SPATA6L: variants seen among roughly 807,000 people sequenced by gnomAD.
SPATA6L encodes the protein spermatogenesis associated 6-like protein.
SPATA6L carries 68 observed loss-of-function variants against 49.2 expected under a neutral mutation model. That is an observed-to-expected ratio of 1.38 (90% confidence interval 1.14 to 1.69). The LOEUF (loss-of-function observed/expected upper bound fraction) is 1.69. Ranked by LOEUF, SPATA6L falls within the 40% of genes most tolerant of loss-of-function variation. The pLI is 0.00. For synonymous variants in SPATA6L, 198 were observed against 165.7 expected, an observed-to-expected ratio of 1.19 and a Z score of -1.50; for missense variants, 668 against 464.3, an observed-to-expected ratio of 1.44 and a Z score of -4.03.
At chr9:4,648,867 A>T (rs1344569586) in intron 3 of SPATA6L, among the ~76,000 whole-genome samples, 2 of 151,806 alleles carry the variant, frequency 1.3e-5, no homozygotes, top group Non-Finnish European at 2.9e-5. Flanking sequence ...CCATTATGTC[A>T]TTCTTCTGTT....
chr9:4,658,147 GAT>G (rs1838737470), intron 2 of SPATA6L, among the ~76,000 whole-genome samples: 1 of 152,208 alleles, frequency 6.6e-6, no homozygotes, highest in Admixed American at 6.5e-5. Flanking sequence ...ACAGTGAGAT[GAT>G]ATGTTTCTGT....
At chr9:4,651,643 C>A (rs1836885889) in intron 3 of SPATA6L, among the ~76,000 whole-genome samples, 1 of 151,906 alleles carries the variant, frequency 6.6e-6, no homozygotes, top group African/African-American at 2.4e-5. Flanking sequence ...GCTTATATAC[C>A]ATAAGGTTGG....
intron 3 of SPATA6L, among the ~76,000 whole-genome samples, chr9:4,636,925 T>C (rs548719501): frequency 1.3e-5 from 2 of 152,290 alleles, no homozygotes; most frequent in East Asian, 1.9e-4. Flanking sequence ...ATTACTGCCA[T>C]GGCTGTAGTT....
rs917705018 is a variant in SPATA6L at position 4,600,255 on chromosome 9, A to C, written c.*556T>G. On this transcript the variant is annotated 3_prime_UTR_variant, in exon 12 of 12. Transcript: ENST00000682582. Reference sequence around the variant, plus strand: ...TCACAGACATTCAACATCTAAAACAAGATCTGAACTACCCAGACGTAATGC... The same window carrying C: ...TCACAGACATTCAACATCTAAAACACGATCTGAACTACCCAGACGTAATGC... 6.6e-6 allele frequency among the ~76,000 whole-genome samples: 1 copy of C among 152,166 alleles called. No homozygotes were observed. Among genetic ancestry groups the C allele is most frequent in the African/African-American group, 2.4e-5 (1 of 41,420 alleles).
At chr9:4,629,767 G>GTATATA (rs1423783733) in intron 4 of SPATA6L, among the ~76,000 whole-genome samples, 23 of 88,894 alleles carry the variant, frequency 2.6e-4, no homozygotes, top group African/African-American at 1.2e-3. Flanking sequence ...GTGTGTGTGT[G>GTATATA]TGTATATATA....
Position 4,606,202 on chromosome 9 carries a change from G to T in SPATA6L, c.996-762C>A, listed in dbSNP as rs1374049390. On this transcript the variant is annotated intron_variant, in intron 9 of 11. Coordinates refer to ENST00000682582, the MANE Select transcript of SPATA6L (RefSeq NM_001353486.2). ...ACAGCAGTCTGAGATCAAACTGCAAGGCGGCAGCGAGGCTGGGGGAGGGGC... is the reference window on the plus strand; with the variant it reads ...ACAGCAGTCTGAGATCAAACTGCAATGCGGCAGCGAGGCTGGGGGAGGGGC... Among the ~76,000 whole-genome samples, 237 of 150,620 alleles carry T rather than the reference G, an allele frequency of 1.6e-3. 2 individuals are homozygous for T. Among genetic ancestry groups the T allele is most frequent in the Admixed American group, 2.8e-3 (42 of 15,144 alleles).
intron 2 of SPATA6L, among the ~76,000 whole-genome samples, chr9:4,659,155 C>T (rs1027135364): frequency 1.1e-4 from 17 of 152,118 alleles, no homozygotes; most frequent in African/African-American, 3.9e-4. Flanking sequence ...ACTTATCCAG[C>T]CAGTTTGGTA....
chr9:4,591,890 G>C (rs1340141865), intron 13 of SPATA6L, among the ~76,000 whole-genome samples: 4 of 152,154 alleles, frequency 2.6e-5, no homozygotes, highest in Non-Finnish European at 5.9e-5. Flanking sequence ...CTTTCCTAGA[G>C]ATGACACTCT....
intron 3 of SPATA6L, among the ~76,000 whole-genome samples, chr9:4,654,252 A>C (rs1438300791): frequency 3.3e-5 from 5 of 152,212 alleles, no homozygotes; most frequent in African/African-American, 1.2e-4. Context: ...CTTCTTTAAA[A>C]GGTTAAACAT....
chr9:4,663,724 T>G (rs1274798210), intron 1 of SPATA6L: 1 of 168,586 alleles, frequency 5.9e-6, no homozygotes, highest in Non-Finnish European at 1.4e-5. Flanking sequence ...GAGGTAGATT[T>G]TAAACAGTAT....
At chr9:4,590,933 G>A (rs1022275118) in intron 13 of SPATA6L, among the ~76,000 whole-genome samples, 1 of 152,196 alleles carries the variant, frequency 6.6e-6, no homozygotes. Flanking sequence ...TTAGCACAAT[G>A]TCGCATCATC....
At chr9:4,619,302 G>A (rs1174869366) in intron 7 of SPATA6L, among the ~76,000 whole-genome samples, 16 of 151,698 alleles carry the variant, frequency 1.1e-4, no homozygotes. Context: ...GATTACAGAT[G>A]CCCGCCACCA....
At chr9:4,647,389 C>G (rs920200464) in intron 3 of SPATA6L, among the ~76,000 whole-genome samples, 1 of 151,998 alleles carries the variant, frequency 6.6e-6, no homozygotes, top group African/African-American at 2.4e-5. Context: ...GTCAGGAGTT[C>G]GAGACCAGCC....
intron 1 of SPATA6L, among the ~76,000 whole-genome samples, chr9:4,665,471 A>C (rs1019021348): frequency 2.0e-5 from 3 of 152,234 alleles, no homozygotes; most frequent in African/African-American, 7.2e-5. Context: ...GTATGATGAA[A>C]CCACACCATT....
chr9:4,635,123 T>C (rs1038175071), intron 4 of SPATA6L, 152 bp downstream of exon 4: 109 of 656,152 alleles, frequency 1.7e-4, no homozygotes, highest in Middle Eastern at 5.5e-4. Context: ...TCAGTATAAT[T>C]TGGTACCTTG....
intron 6 of SPATA6L, 24 bp from the exon 7 acceptor site, chr9:4,622,534 G>C (rs369559590): frequency 2.6e-6 from 4 of 1,522,462 alleles, no homozygotes; most frequent in Non-Finnish European, 3.6e-6. Flanking sequence ...AAAGAAATAA[G>C]ACTAGAATCC....
At chr9:4,646,173 C>T in intron 3 of SPATA6L, 1 of 186,118 alleles carries the variant, frequency 5.4e-6, no homozygotes. Flanking sequence ...AGCCAAAGGC[C>T]AAAACTTGAA....
intron 3 of SPATA6L, among the ~76,000 whole-genome samples, chr9:4,652,841 C>CAA (rs79392745): frequency 5.3e-5 from 3 of 56,524 alleles, no homozygotes; most frequent in African/African-American, 1.7e-4. Context: ...AATTCCGTCC[C>CAA]AAAAAAAAAA....
In SPATA6L at chr9:4,605,328, T is replaced by C; in HGVS notation, c.1089+19A>G. On this transcript the variant is annotated intron_variant, in intron 10 of 11. Coordinates refer to ENST00000682582, the MANE Select transcript of SPATA6L (RefSeq NM_001353486.2). ...TATTATTTAGTGAGCAAAGATCTAG[T>C]TTTATAAGAAAGTCTAACCTTGTTT... 6.3e-7 allele frequency: 1 copy of C among 1,595,950 alleles called. No individual in the cohort carries two copies. Among genetic ancestry groups the C allele is most frequent in the Non-Finnish European group, 8.6e-7 (1 of 1,163,448 alleles).
Sources: gnomAD v4.1 joint callset for allele counts (sites outside exome capture counted in the v4.1 genomes callset) on GRCh38, gnomAD v4.1.1 for gene constraint, MANE v1.5 for transcripts, NCBI Gene and HGNC (gene_info 2026-07-23, HGNC 2026-07-21) for gene names.